The following MICU1 variants were observed in gnomAD, a reference collection of about 807,000 sequenced individuals.
MICU1 encodes the protein calcium uptake protein 1, mitochondrial.
Under a neutral mutation model 56.8 loss-of-function variants are expected in MICU1, and 45 were observed. The observed-to-expected ratio is 0.79, with a 90% CI of 0.62 to 1.02. The LOEUF is 1.02. Ranked by LOEUF, MICU1 falls within the 50% of genes least tolerant of loss-of-function variation. The pLI is 0.00. For synonymous variants in MICU1, 186 were observed against 195.1 expected (o/e 0.95, Z 0.39); for missense variants, 504 against 587.1 (o/e 0.86, Z 1.46).
intron 8 of MICU1, among the ~76,000 whole-genome samples, chr10:72,435,473 C>A (rs758051977): frequency 6.6e-6 from 1 of 150,930 alleles, no homozygotes; most frequent in Admixed American, 6.6e-5. Flanking sequence ...CCAGCATGAT[C>A]GATGCAGAAG....
At chr10:72,601,210 C>G (rs1359685270) in intron 1 of MICU1, among the ~76,000 whole-genome samples, 1 of 151,762 alleles carries the variant, frequency 6.6e-6, no homozygotes, top group African/African-American at 2.4e-5. Flanking sequence ...TTGCTTGAGC[C>G]CATGCATTCA....
intron 8 of MICU1, among the ~76,000 whole-genome samples, chr10:72,451,184 C>G (rs1365024325): frequency 1.3e-5 from 2 of 151,218 alleles, no homozygotes; most frequent in African/African-American, 4.9e-5. Context: ...GCCACCATGC[C>G]CAGCTAATTT....
rs71021503 is a variant in MICU1 at position 72,535,021 on chromosome 10, T to TTTTATTTTATTTATTTTATTTTATTTTA, written c.494-1233_494-1232insTAAAATAAAATAAAATAAATAAAATAAA. On this transcript the variant is annotated intron_variant, in intron 4 of 11. Transcript: ENST00000361114. ...TCCCTCTATTTTTTATTTTATTTTA[T>TTTTATTTTATTTATTTTATTTTATTTTA]TTTATTTTATTTTATTTATTTATTT... 4.8e-4 allele frequency among the ~76,000 whole-genome samples: 47 copies of TTTTATTTTATTTATTTTATTTTATTTTA among 97,014 alleles called. 6 individuals are homozygous for TTTTATTTTATTTATTTTATTTTATTTTA. Among genetic ancestry groups the TTTTATTTTATTTATTTTATTTTATTTTA allele is most frequent in the Non-Finnish European group, 6.3e-4 (28 of 44,448 alleles). 63.6% of individuals were successfully genotyped at this position (97,014 alleles called of 152,430 possible).
chr10:72,381,047 C>T (rs1027398534), intron 10 of MICU1, among the ~76,000 whole-genome samples: 4 of 152,152 alleles, frequency 2.6e-5, no homozygotes, highest in African/African-American at 7.2e-5. Flanking sequence ...AGCAATCCAA[C>T]GAAAAGCACA....
intron 4 of MICU1, among the ~76,000 whole-genome samples, chr10:72,537,716 A>G (rs1258512532): frequency 8.9e-6 from 1 of 112,888 alleles, no homozygotes; most frequent in African/African-American, 2.5e-5. Flanking sequence ...TTGAATCCAC[A>G]CCCAAAATAC....
At chr10:72,456,946 GGTGTGTGTGTGT>G (rs71018292) in intron 8 of MICU1, among the ~76,000 whole-genome samples, 60 of 117,790 alleles carry the variant, frequency 5.1e-4, no homozygotes, top group African/African-American at 1.4e-3. Flanking sequence ...ATATTGCCCA[GGTGTGTGTGTGT>G]GTGTGTGTGT....
In MICU1 at chr10:72,623,754, G is replaced by A. The variant is rs1203133597; in HGVS notation, c.-2+2256C>T. ...CTTCGGAGGCTGAAGCAGGAGAATTGCTTGAACCCAGGAGGCAGAGGTTGC... is the reference window on the plus strand; with the variant it reads ...CTTCGGAGGCTGAAGCAGGAGAATTACTTGAACCCAGGAGGCAGAGGTTGC... On this transcript the variant is annotated intron_variant, in intron 1 of 11. Coordinates refer to ENST00000361114, the MANE Select transcript of MICU1 (RefSeq NM_001195518.2). Among the ~76,000 whole-genome samples, 3 of 151,978 alleles carry A rather than the reference G, an allele frequency of 2.0e-5. No homozygotes were observed. In the East Asian group the frequency reaches 5.8e-4, roughly 30 times the overall value.
intron 1 of MICU1, among the ~76,000 whole-genome samples, chr10:72,611,864 A>G (rs1472209361): frequency 1.3e-5 from 2 of 151,992 alleles, no homozygotes; most frequent in Non-Finnish European, 2.9e-5. Flanking sequence ...GTGTGTCCCT[A>G]TAGTCTCGGC....
In MICU1 at chr10:72,509,419, T is replaced by C. The variant is rs2132350497; in HGVS notation, c.538-1150A>G. On this transcript the variant is annotated intron_variant, in intron 5 of 11. Coordinates refer to ENST00000361114, the MANE Select transcript of MICU1 (RefSeq NM_001195518.2). ...TTACCTCTGTCTAGTGGAGATCCCA[T>C]CATAAACCACAAAGGAAAGAAAACT... is the stretch of plus-strand genomic sequence containing the variant. The C allele has an allele frequency of 7.5e-7, 1 of 1,327,724 alleles. No individual in the cohort carries two copies. The highest frequency in any genetic ancestry group is 9.9e-7 in the Non-Finnish European group (1 of 1,008,576). The allele number at this position is 1,327,724 out of a possible 1,614,324, so 82.2% of individuals were successfully genotyped here.
chr10:72,437,080 C>T (rs1209478420), intron 8 of MICU1, among the ~76,000 whole-genome samples: 3 of 152,074 alleles, frequency 2.0e-5, no homozygotes, highest in African/African-American at 2.4e-5. Context: ...AGAGCAGCTC[C>T]AAGACTCATA....
intron 3 of MICU1, among the ~76,000 whole-genome samples, chr10:72,554,740 C>T (rs1254661408): frequency 3.9e-5 from 6 of 152,188 alleles, no homozygotes; most frequent in Admixed American, 2.6e-4. Flanking sequence ...ATTGGCCAGG[C>T]GCCGTGGCTC....
chr10:72,569,657 T>C lies in MICU1; in HGVS notation c.-1-2863A>G, dbSNP rs1251953017. ...TTTTGTTTAGTCTTAAGCCTCAGAA[T>C]GGTGTAAAATTTTGATTAAGTCAGA... On this transcript the variant is annotated intron_variant, in intron 1 of 11. Transcript: ENST00000361114. 4.6e-5 allele frequency among the ~76,000 whole-genome samples: 7 copies of C among 152,302 alleles called. No homozygotes were observed. In the East Asian group the frequency reaches 1.3e-3, roughly 29 times the overall value.
chr10:72,607,637 CAAAAAAA>C (rs368820136), intron 1 of MICU1, among the ~76,000 whole-genome samples: 1 of 59,926 alleles, frequency 1.7e-5, no homozygotes, highest in Middle Eastern at 0.015. Flanking sequence ...AACTCCATCT[CAAAAAAA>C]AAAAAAAAAA....
chr10:72,428,369 G>A (rs1034071126), intron 8 of MICU1, among the ~76,000 whole-genome samples: 24 of 152,142 alleles, frequency 1.6e-4, no homozygotes, highest in African/African-American at 5.3e-4. Context: ...AGGATGGAGT[G>A]CAATGGCGCG....
intron 10 of MICU1, among the ~76,000 whole-genome samples, chr10:72,400,812 T>C (rs1863426064): frequency 6.6e-6 from 1 of 152,046 alleles, no homozygotes; most frequent in African/African-American, 2.4e-5. Flanking sequence ...CAAACTTTGT[T>C]TTGTGAAAGA....
chr10:72,368,103 T>C lies in MICU1; in HGVS notation c.*92A>G. ...CATCCCGGGAGGAAGGGGGACTACTTCCAGAAGCAGCAGCACAAAGGGCTC... is the reference window on the plus strand; with the variant it reads ...CATCCCGGGAGGAAGGGGGACTACTCCCAGAAGCAGCAGCACAAAGGGCTC... On this transcript the variant is annotated 3_prime_UTR_variant, in exon 12 of 12. Transcript: ENST00000361114. The C allele has an allele frequency of 7.3e-7, 1 of 1,374,118 alleles. No individual in the cohort carries two copies. The highest frequency in any genetic ancestry group is 1.4e-5 in the South Asian group (1 of 72,780). The allele number at this position is 1,374,118 out of a possible 1,614,324, so 85.1% of individuals were successfully genotyped here.
chr10:72,579,375 C>A (rs891508107), intron 1 of MICU1, among the ~76,000 whole-genome samples: 1 of 152,040 alleles, frequency 6.6e-6, no homozygotes, highest in Non-Finnish European at 1.5e-5. Flanking sequence ...TAAGGCAGCG[C>A]CCTTTGACCT....
intron 10 of MICU1, among the ~76,000 whole-genome samples, chr10:72,406,212 A>C (rs1863625559): frequency 6.6e-6 from 1 of 152,120 alleles, no homozygotes; most frequent in South Asian, 2.1e-4. Context: ...AAATAAAATA[A>C]AACCAATTCC....
intron 9 of MICU1, among the ~76,000 whole-genome samples, chr10:72,419,867 C>T (rs1864097005): frequency 1.3e-5 from 2 of 152,116 alleles, no homozygotes; most frequent in South Asian, 2.1e-4. Flanking sequence ...TGTGTCCCCA[C>T]CCAAATCTCG....
Sources: gnomAD v4.1 joint callset for allele counts (sites outside exome capture counted in the v4.1 genomes callset) on GRCh38, gnomAD v4.1.1 for gene constraint, MANE v1.5 for transcripts, NCBI Gene and HGNC (gene_info 2026-07-23, HGNC 2026-07-21) for gene names.